The following TMEM25 variants were observed in gnomAD, a reference collection of about 807,000 sequenced individuals.
TMEM25 encodes 0610039J01Rik.
In TMEM25, 36 loss-of-function variants were observed where a neutral mutation model predicts 37.0. The observed-to-expected ratio is 0.97, with a 90% CI of 0.75 to 1.28. The LOEUF (loss-of-function observed/expected upper bound fraction) is 1.28. Ranked by LOEUF, TMEM25 falls within the 50% of genes most tolerant of loss-of-function variation. The pLI is 0.00. For synonymous variants in TMEM25, 197 were observed against 203.7 expected, an observed-to-expected ratio of 0.97 and a Z score of 0.28; for missense variants, 444 against 477.9, an observed-to-expected ratio of 0.93 and a Z score of 0.66.
downstream of TMEM25, chr11:118,547,062 C>T (rs1056482403): frequency 2.5e-4 from 38 of 152,168 alleles, no homozygotes; most frequent in Non-Finnish European, 4.9e-4. Context: ...TATTCCATTG[C>T]ATAGTATTTC....
rs1951462262 is a variant in TMEM25 at position 118,534,785 on chromosome 11, A to G, written c.*205A>G. On this transcript the variant is annotated 3_prime_UTR_variant, in exon 9 of 9. Transcript: ENST00000313236. This position sits in a 1 kb window ranked among gnomAD's most constrained non-coding sequence, Gnocchi z 4.6. Reference sequence around the variant, plus strand: ...CGCAGGGGCACAGGTATCTTTGGCAAGGCTACCAGTTGGACGTAAGCCCCT... The same window carrying G: ...CGCAGGGGCACAGGTATCTTTGGCAGGGCTACCAGTTGGACGTAAGCCCCT... 2 of 1,410,304 alleles carry G rather than the reference A, an allele frequency of 1.4e-6. No homozygotes were observed. The highest frequency in any genetic ancestry group is 5.7e-5 in the Admixed American group (2 of 34,894). 87.4% of individuals were successfully genotyped at this position (1,410,304 alleles called of 1,614,324 possible).
downstream of TMEM25, chr11:118,535,857 A>G (rs1951500118): frequency 8.7e-7 from 1 of 1,153,044 alleles, no homozygotes; most frequent in Non-Finnish European, 1.1e-6. Context: ...CATTTCTTCT[A>G]TTAATATGTT....
intron 4 of TMEM25, 41 bp from the exon 5 acceptor site, chr11:118,533,379 G>C (rs781811511): frequency 6.2e-7 from 1 of 1,611,144 alleles, no homozygotes; most frequent in South Asian, 1.1e-5. Flanking sequence ...TGGGGCTGGG[G>C]CACTACCCAC....
rs933286691 is a variant in TMEM25, at chr11:118,545,331, A to G, written c.1028-788A>G. ...GACATCCTACATCGCTATAGGATGC[A>G]ATCACAGCAGGCTCAGAACAGTAGA... is the stretch of plus-strand genomic sequence containing the variant. On this transcript the variant is annotated intron_variant, in intron 8 of 8. Transcript: ENST00000354284. 5.6e-6 allele frequency: 6 copies of G among 1,072,930 alleles called. No homozygotes were observed. The Admixed American group carries it at 5.7e-5, about 10-fold the overall frequency. 66.5% of individuals were successfully genotyped at this position (1,072,930 alleles called of 1,614,324 possible).
chr11:118,537,289 C>T (rs1591348389), downstream of TMEM25, among the ~76,000 whole-genome samples: 1 of 151,750 alleles, frequency 6.6e-6, no homozygotes, highest in East Asian at 1.9e-4. Flanking sequence ...TGCAGTGAGC[C>T]GAGATCGCGC....
chr11:118,532,971 G>T lies in TMEM25; in HGVS notation c.437G>T (p.Gly146Val). The T allele has an allele frequency of 6.2e-7, 1 of 1,614,238 alleles. No homozygotes were observed. The highest frequency in any genetic ancestry group is 8.5e-7 in the Non-Finnish European group (1 of 1,180,052). The change falls in exon 4 of 9, where the codon GGC (glycine) becomes GTC (valine). Residue 146 changes from glycine (G) to valine (V), a missense_variant. Gly to Val is a moderately radical substitution (Grantham distance 109). Coordinates refer to ENST00000313236, the MANE Select transcript of TMEM25 (RefSeq NM_032780.4). ...AAGTACCAGGAAGCTCAGGGCCCAG[G>T]CCTCCTGGTTGTCCTGTTTGCCCTG... ...GAKYQEAQGP[G>V]LLVVLFALVR... is the part of the protein sequence containing the mutation.
Position 118,531,879 on chromosome 11 carries a change from C to A in TMEM25, c.70+8C>A. On this transcript the variant is annotated splice_region_variant and intron_variant, in intron 2 of 8. Coordinates refer to ENST00000313236, the MANE Select transcript of TMEM25 (RefSeq NM_032780.4). ...CAGCCCTTCTGAGCTCAGGTACACC[C>A]CTGTTCAGTCGTTGACCAAGTCCTT... 2 of 1,551,588 alleles carry A rather than the reference C, an allele frequency of 1.3e-6. No individual in the cohort carries two copies. Among genetic ancestry groups the A allele is most frequent in the Non-Finnish European group, 1.7e-6 (2 of 1,147,000 alleles).
In TMEM25 at chr11:118,531,854, C is replaced by T; in HGVS notation, c.53C>T (p.Pro18Leu). 1.3e-6 allele frequency: 2 copies of T among 1,551,656 alleles called. No homozygotes were observed. The highest frequency in any genetic ancestry group is 1.7e-6 in the Non-Finnish European group (2 of 1,147,006). Residue 18 changes from proline to leucine, a missense_variant, in exon 2 of 9, where the codon CCA becomes CTA. Transcript: ENST00000313236. Reference protein sequence around the residue: ...AALRHTLLLLPALLSSGWGEL... With the variant: ...AALRHTLLLLLALLSSGWGEL... Reference sequence around the variant, plus strand: ...CTCCGGCACACACTGCTGCTCCTGCCAGCCCTTCTGAGCTCAGGTACACCC... The same window carrying T: ...CTCCGGCACACACTGCTGCTCCTGCTAGCCCTTCTGAGCTCAGGTACACCC...
Position 118,533,088 on chromosome 11 carries a change from A to G in TMEM25, c.554A>G (p.Gln185Arg), listed in dbSNP as rs1162830099. The change falls in exon 4 of 9, where the codon CAG (glutamine) becomes CGG (arginine). Residue 185 changes from glutamine to arginine, a missense_variant. Physicochemically the swap from Gln to Arg is conservative, Grantham distance 43. Transcript: ENST00000313236. ...NTSDFLVLDA[Q>R]NYPWLTNHTV... Reference sequence around the variant, plus strand: ...TCTGACTTCCTGGTGCTGGATGCGCAGAACTACCCCTGGCTCACCAACCAC... The same window carrying G: ...TCTGACTTCCTGGTGCTGGATGCGCGGAACTACCCCTGGCTCACCAACCAC... 1 of 1,613,882 alleles carries G rather than the reference A, an allele frequency of 6.2e-7. No homozygotes were observed. The highest frequency in any genetic ancestry group is 1.3e-5 in the African/African-American group (1 of 74,932).
rs367564776 is a variant in TMEM25, at chr11:118,532,461, T to C, written c.382T>C (p.Phe128Leu). 35 of 1,609,606 alleles carry C rather than the reference T, an allele frequency of 2.2e-5. No individual in the cohort carries two copies. The highest frequency in any genetic ancestry group is 2.7e-5 in the Non-Finnish European group (32 of 1,176,994). The change falls in exon 3 of 9, where the codon TTC becomes CTC. Residue 128 changes from phenylalanine to leucine, a missense_variant and splice_region_variant. Physicochemically the swap from Phe to Leu is conservative, Grantham distance 22. Coordinates refer to ENST00000313236, the MANE Select transcript of TMEM25 (RefSeq NM_032780.4). ...ANASVILNVQFKPEIAQVGAK... is the reference protein window; with the variant it reads ...ANASVILNVQLKPEIAQVGAK... Reference sequence around the variant, plus strand: ...CGCCTCTGTCATCCTTAATGTGCAATGTGAGTGGCCCTGAGGTGGGCAGGG... The same window carrying C: ...CGCCTCTGTCATCCTTAATGTGCAACGTGAGTGGCCCTGAGGTGGGCAGGG...
intron 5 of TMEM25, 96 bp downstream of exon 5, chr11:118,533,647 G>A: frequency 1.9e-6 from 3 of 1,601,478 alleles, no homozygotes; most frequent in African/African-American, 1.3e-5. Context: ...ATCTCTGACG[G>A]TGGCAGAGCA....
At chr11:118,531,593 G>A (rs1389453781) in intron 1 of TMEM25, 182 bp from the exon 2 acceptor site, 3 of 584,108 alleles carry the variant, frequency 5.1e-6, no homozygotes, top group Middle Eastern at 5.4e-4. Flanking sequence ...ATGTCCATGT[G>A]TCTGCTGGGT....
chr11:118,532,967 C>G lies in TMEM25; in HGVS notation c.433C>G (p.Pro145Ala), dbSNP rs148591515. The G allele has an allele frequency of 4.0e-4, 648 of 1,614,236 alleles. 12 individuals carry two copies. The East Asian group carries it at 0.014, about 35-fold the overall frequency. The change falls in exon 4 of 9, where the codon CCA becomes GCA. Residue 145 changes from proline (P) to alanine (A), a missense_variant. Pro to Ala is a conservative substitution (Grantham distance 27). Transcript: ENST00000313236. ...VGAKYQEAQG[P>A]GLLVVLFALV... is the part of the protein sequence containing the mutation. The stretch of plus-strand genomic sequence containing the variant: ...CGCCAAGTACCAGGAAGCTCAGGGC[C>G]CAGGCCTCCTGGTTGTCCTGTTTGC...
chr11:118,535,709 A>G lies in TMEM25; in HGVS notation c.*1129A>G. ...TAAAAAGCAACATGTAAATGATTGG[A>G]AATTAATATAGTACAGAATATATTT... On this transcript the variant is annotated 3_prime_UTR_variant, in exon 9 of 9. Coordinates refer to ENST00000313236, the MANE Select transcript of TMEM25 (RefSeq NM_032780.4). The G allele has an allele frequency of 6.9e-7, 1 of 1,442,814 alleles. No individual in the cohort carries two copies. Among genetic ancestry groups the G allele is most frequent in the South Asian group, 1.5e-5 (1 of 67,896 alleles). The allele number at this position is 1,442,814 out of a possible 1,614,324, so 89.4% of individuals were successfully genotyped here. A position where few individuals can be genotyped will look rare whatever the true frequency, so the allele number is the denominator to read the frequency against.
intron 1 of TMEM25, 139 bp from the exon 2 acceptor site, chr11:118,531,636 C>G: frequency 1.5e-6 from 1 of 675,326 alleles, no homozygotes; most frequent in Non-Finnish European, 2.5e-6. Context: ...CCGTTCGTGT[C>G]CGTGCCTTCG....
At chr11:118,540,750 A>C (rs1357056760), downstream of TMEM25, among the ~76,000 whole-genome samples, 1 of 152,192 alleles carries the variant, frequency 6.6e-6, no homozygotes, top group Non-Finnish European at 1.5e-5. Context: ...TTTTTTCAGA[A>C]GACACAGATA....
At position 118,532,933 on chromosome 11, in the gene TMEM25, C is replaced by T; in HGVS notation, c.399C>T (p.Ala133=). 1.2e-6 allele frequency: 2 copies of T among 1,613,498 alleles called. No individual in the cohort carries two copies. Among genetic ancestry groups the T allele is most frequent in the South Asian group, 1.1e-5 (1 of 91,008 alleles). The change falls in exon 4 of 9, where the codon GCC becomes GCT. Residue 133 remains alanine, a synonymous_variant. Transcript: ENST00000313236. ...TTGTACCAGTCAAGCCAGAGATTGC[C>T]CAAGTCGGCGCCAAGTACCAGGAAG... is the stretch of plus-strand genomic sequence containing the variant. ...ILNVQFKPEI[A]QVGAKYQEAQ... is the part of the protein sequence containing the mutation.
At chr11:118,531,637 C>T (rs1555058270) in intron 1 of TMEM25, 138 bp from the exon 2 acceptor site, 5 of 679,996 alleles carry the variant, frequency 7.4e-6, no homozygotes, top group South Asian at 6.1e-5. Context: ...CGTTCGTGTC[C>T]GTGCCTTCGC....
chr11:118,534,012 C>A lies in TMEM25; in HGVS notation c.837-17C>A. The A allele has an allele frequency of 6.2e-7, 1 of 1,614,102 alleles. No individual in the cohort carries two copies. The highest frequency in any genetic ancestry group is 8.5e-7 in the Non-Finnish European group (1 of 1,179,972). ...TGCCGGGACTCATATCCATCCCGAA[C>A]TTTGTCCTCCCTGTAGTGACTCCAA... On this transcript the variant is annotated splice_polypyrimidine_tract_variant and intron_variant, in intron 6 of 8. Transcript: ENST00000313236. This position sits in a 1 kb window ranked among gnomAD's most constrained non-coding sequence, Gnocchi z 4.6.
Sources: allele counts gnomAD v4.1 joint callset (sites outside exome capture counted in the v4.1 genomes callset), GRCh38; gene constraint gnomAD v4.1.1; non-coding constraint Gnocchi (gnomAD v3.1); transcripts MANE v1.5; gene names NCBI Gene and HGNC (gene_info 2026-07-23, HGNC 2026-07-21).